The following XIRP2 variants were observed in gnomAD, a reference collection of about 807,000 sequenced individuals.
XIRP2 encodes the protein xin actin-binding repeat-containing protein 2.
A neutral mutation model predicts 277.0 loss-of-function variants in XIRP2; 236 were observed. The ratio of observed to expected loss-of-function variants is 0.85; its 90% CI spans 0.77 to 0.95. The LOEUF is 0.95. Ranked by LOEUF, XIRP2 falls within the 40% of genes least tolerant of loss-of-function variation. The pLI, the probability that XIRP2 is intolerant of heterozygous loss-of-function variation, is 0.00. For synonymous variants in XIRP2, 1,490 were observed against 1,416.5 expected, an observed-to-expected ratio of 1.05 and a Z score of -1.17; for missense variants, 4,640 against 4,157.5, an observed-to-expected ratio of 1.12 and a Z score of -3.19.
rs1423994572 is a variant in XIRP2, at chr2:166,903,571, A to G, written c.89A>G (p.Asp30Gly). ...CAGAGAAGTGAGTGTCATCCCAGGG[A>G]CAGCCATTGTACAATTTTCCAGCCT... is the stretch of plus-strand genomic sequence containing the variant. ...DYQRSECHPR[D>G]SHCTIFQPQE... Residue 30 changes from aspartate to glycine, a missense_variant, in exon 2 of 11, where the codon GAC becomes GGC. By Grantham distance (94) the Asp-to-Gly change is moderately conservative. Coordinates refer to ENST00000409195, the MANE Select transcript of XIRP2 (RefSeq NM_152381.6). The G allele has an allele frequency of 5.0e-6, 8 of 1,613,492 alleles. No homozygotes were observed. The highest frequency in any genetic ancestry group is 1.3e-5 in the African/African-American group (1 of 74,890).
At chr2:167,055,693 T>A (rs1480902052) in intron 2 of XIRP2, among the ~76,000 whole-genome samples, 1 of 152,156 alleles carries the variant, frequency 6.6e-6, no homozygotes, top group Non-Finnish European at 1.5e-5. Flanking sequence ...ATGAGCCTAG[T>A]ATATGAAAGA....
intron 2 of XIRP2, among the ~76,000 whole-genome samples, chr2:167,111,087 G>A (rs1329046250): frequency 1.3e-5 from 2 of 151,954 alleles, no homozygotes. Context: ...CAGACTATGG[G>A]GTTTTTTACA....
intron 2 of XIRP2, among the ~76,000 whole-genome samples, chr2:166,914,977 G>A (rs766429380): frequency 1.3e-5 from 2 of 151,982 alleles, no homozygotes; most frequent in African/African-American, 2.4e-5. Flanking sequence ...AGAAGAAGAA[G>A]TTTATTTGTT....
intron 1 of XIRP2, among the ~76,000 whole-genome samples, chr2:166,890,312 CTG>C (rs770019928): frequency 9.9e-5 from 15 of 151,930 alleles, no homozygotes; most frequent in Non-Finnish European, 2.1e-4. Context: ...TATTTTTTAA[CTG>C]TGGGTTCATA....
intron 2 of XIRP2, among the ~76,000 whole-genome samples, chr2:167,028,855 A>G (rs1046292700): frequency 2.0e-5 from 3 of 151,764 alleles, no homozygotes; most frequent in South Asian, 2.1e-4. Context: ...CATAAGATAA[A>G]TTTTTAAAAG....
At chr2:166,958,331 TAGAG>T (rs1490252605) in intron 2 of XIRP2, among the ~76,000 whole-genome samples, 2 of 151,822 alleles carry the variant, frequency 1.3e-5, no homozygotes, top group Non-Finnish European at 2.9e-5. Flanking sequence ...GTAAATCTAA[TAGAG>T]AGAGAAGCTG....
intron 2 of XIRP2, among the ~76,000 whole-genome samples, chr2:167,089,506 A>G (rs1315189850): frequency 6.6e-6 from 1 of 152,184 alleles, no homozygotes; most frequent in Non-Finnish European, 1.5e-5. Context: ...GTCACAAGGA[A>G]TATCAAAATG....
intron 3 of XIRP2, among the ~76,000 whole-genome samples, chr2:167,191,603 T>C (rs1172935463): frequency 6.6e-6 from 1 of 152,212 alleles, no homozygotes; most frequent in Non-Finnish European, 1.5e-5. Flanking sequence ...CTGCATATTC[T>C]GTTAAAACTT....
intron 2 of XIRP2, among the ~76,000 whole-genome samples, chr2:167,023,061 A>T (rs1480900113): frequency 6.6e-6 from 1 of 152,200 alleles, no homozygotes; most frequent in Non-Finnish European, 1.5e-5. Flanking sequence ...ACTAGTTTAC[A>T]GTCCCACCAA....
At chr2:166,985,470 G>A (rs113098456) in intron 2 of XIRP2, among the ~76,000 whole-genome samples, 6,664 of 149,730 alleles carry the variant, frequency 0.045, 211 homozygotes, top group Non-Finnish European at 0.067. Context: ...AGTCTCTGTC[G>A]CCCAGGCTGG....
intron 2 of XIRP2, among the ~76,000 whole-genome samples, chr2:166,904,737 G>A (rs573604007): frequency 6.8e-4 from 104 of 152,100 alleles, no homozygotes; most frequent in African/African-American, 2.2e-3. Flanking sequence ...CATGATCTCA[G>A]GTTTTCCTTT....
chr2:167,127,943 G>C (rs1337866604), intron 2 of XIRP2, among the ~76,000 whole-genome samples: 1 of 152,202 alleles, frequency 6.6e-6, no homozygotes, highest in Non-Finnish European at 1.5e-5. Flanking sequence ...CTGAGGGCAT[G>C]GCGTGTGCTG....
intron 5 of XIRP2, among the ~76,000 whole-genome samples, chr2:167,233,253 A>G (rs1694809677): frequency 6.6e-6 from 1 of 151,986 alleles, no homozygotes; most frequent in South Asian, 2.1e-4. Flanking sequence ...TGAGGCATAA[A>G]GCTGGAGATT....
chr2:167,084,531 T>G (rs1558973565), intron 2 of XIRP2, among the ~76,000 whole-genome samples: 2 of 151,618 alleles, frequency 1.3e-5, no homozygotes, highest in Non-Finnish European at 2.9e-5. Flanking sequence ...AGTTCCTCCT[T>G]GTACCTCTGG....
intron 2 of XIRP2, among the ~76,000 whole-genome samples, chr2:167,094,709 G>A (rs1038025132): frequency 1.3e-5 from 2 of 152,052 alleles, no homozygotes; most frequent in African/African-American, 4.8e-5. Flanking sequence ...ATGCTGTTTT[G>A]GTTACTGTGG....
chr2:166,977,565 A>G (rs191316192), intron 2 of XIRP2, among the ~76,000 whole-genome samples: 137 of 152,272 alleles, frequency 9.0e-4, no homozygotes, highest in Admixed American at 2.2e-3. Context: ...TTCACTTTAT[A>G]TTTTAGTAAT....
chr2:166,903,977 C>T (rs998287531), intron 2 of XIRP2, 87 bp downstream of exon 2: 2 of 1,449,416 alleles, frequency 1.4e-6, no homozygotes, highest in African/African-American at 2.8e-5. Flanking sequence ...AATCTTTCCC[C>T]CCGCCAGTAT....
intron 2 of XIRP2, among the ~76,000 whole-genome samples, chr2:167,034,868 C>T (rs1688468910): frequency 2.0e-5 from 3 of 152,154 alleles, no homozygotes; most frequent in Admixed American, 2.0e-4. Context: ...AATTGTAGTT[C>T]CTAGAATTCC....
At chr2:167,031,104 G>C (rs1309997286) in intron 2 of XIRP2, among the ~76,000 whole-genome samples, 1 of 151,484 alleles carries the variant, frequency 6.6e-6, no homozygotes, top group Non-Finnish European at 1.5e-5. Flanking sequence ...ATGTGAGATG[G>C]ATCTCCTGAA....
Sources: gnomAD v4.1 joint callset for allele counts (sites outside exome capture counted in the v4.1 genomes callset) on GRCh38, gnomAD v4.1.1 for gene constraint, MANE v1.5 for transcripts, NCBI Gene and HGNC (gene_info 2026-07-23, HGNC 2026-07-21) for gene names.